SYTL1: variants seen among roughly 807,000 people sequenced by gnomAD.
The protein encoded by SYTL1 is synaptotagmin like 1, also known as synaptotagmin-like protein 1.
In SYTL1, 53 loss-of-function variants were observed where a neutral mutation model predicts 74.6. The ratio of observed to expected loss-of-function variants is 0.71; its 90% confidence interval spans 0.57 to 0.89. SYTL1 has a LOEUF of 0.89. Ranked by LOEUF, SYTL1 falls within the 40% of genes least tolerant of loss-of-function variation. The pLI, the probability that SYTL1 is intolerant of heterozygous loss-of-function variation, is 0.00. For missense variants in SYTL1, 728 were observed against 768.7 expected (o/e 0.95, Z 0.63); for synonymous variants, 329 against 324.9 (o/e 1.01, Z -0.14).
chr1:27,353,565 CCT>C (rs1376803165), intron 14 of SYTL1, 77 bp downstream of exon 14: 1 of 1,533,354 alleles, frequency 6.5e-7, no homozygotes, highest in Non-Finnish European at 8.9e-7. Context: ...GCCCTGGATA[CCT>C]CTCTGTCCTT....
At chr1:27,349,592 A>G (rs748663984) in intron 7 of SYTL1, 60 bp from the exon 8 acceptor site, 10 of 1,535,538 alleles carry the variant, frequency 6.5e-6, no homozygotes, top group Non-Finnish European at 8.8e-6. Context: ...CCCGCGACCC[A>G]GGGCGCTCGG....
chr1:27,353,087 G>C, intron 13 of SYTL1, 196 bp from the exon 14 acceptor site: 1 of 622,724 alleles, frequency 1.6e-6, no homozygotes, highest in Non-Finnish European at 2.8e-6. Context: ...CGCCCGGCCA[G>C]GAGCTGTAAC....
rs1364642383 is a variant in SYTL1 at position 27,353,495 on chromosome 1, G to A, written c.1549+7G>A. The A allele has an allele frequency of 6.3e-7, 1 of 1,591,502 alleles. No individual in the cohort carries two copies. Among genetic ancestry groups the A allele is most frequent in the Non-Finnish European group, 8.6e-7 (1 of 1,169,534 alleles). On this transcript the variant is annotated splice_region_variant and intron_variant, in intron 14 of 14. Coordinates refer to ENST00000616558, the MANE Select transcript of SYTL1 (RefSeq NM_001193308.2). Reference sequence around the variant, plus strand: ...CGCCTCAGCCTGGGCACCGGTAAGTGGGACAGCACCCTGAGACAGGCCCTG... The same window carrying A: ...CGCCTCAGCCTGGGCACCGGTAAGTAGGACAGCACCCTGAGACAGGCCCTG...
rs780437830 is a variant in SYTL1, at chr1:27,349,969, C to T, written c.748-3C>T. 2.9e-5 allele frequency: 46 copies of T among 1,572,800 alleles called. 1 individual carries two copies. In the South Asian group the frequency reaches 3.7e-4, roughly 13 times the overall value. On this transcript the variant is annotated splice_region_variant and splice_polypyrimidine_tract_variant and intron_variant, in intron 8 of 14. Transcript: ENST00000616558. ...CCTGACTCCCACCCACTCCCGTCCG[C>T]AGCTGAGCGGCAGCCAGATGAGCCT...
rs768537098 is a variant in SYTL1 at position 27,347,970 on chromosome 1, C to T, written c.417C>T (p.Leu139=). 7 of 1,614,190 alleles carry T rather than the reference C, an allele frequency of 4.3e-6. No homozygotes were observed. Among genetic ancestry groups the T allele is most frequent in the Admixed American group, 1.7e-5 (1 of 60,028 alleles). ...AGCGTCCTCTCCCTACTCCTAGGCT[C>T]ACCATTGATGAGGCCCCTCAGGAGA... ...KEKEEGPEPR[L]TIDEAPQERL... is the part of the protein sequence containing the mutation. Residue 139 remains leucine, a synonymous_variant, in exon 5 of 15, where the codon CTC becomes CTT. Coordinates refer to ENST00000616558, the MANE Select transcript of SYTL1 (RefSeq NM_001193308.2). This position sits in a 1 kb window ranked among gnomAD's most constrained non-coding sequence, Gnocchi z 4.9.
At position 27,350,633 on chromosome 1, in the gene SYTL1, C is replaced by A; in HGVS notation, c.1005+148C>A. 1 of 1,025,540 alleles carries A rather than the reference C, an allele frequency of 9.8e-7. No individual in the cohort carries two copies. The highest frequency in any genetic ancestry group is 1.4e-6 in the Non-Finnish European group (1 of 699,188). The allele number at this position is 1,025,540 out of a possible 1,614,324, so 63.5% of individuals were successfully genotyped here. ...ACTCGTTATCCAGTGTTGTCAGCCT[C>A]GTGGTGGGCGTGGTGATAGTGCAGG... is the stretch of plus-strand genomic sequence containing the variant. On this transcript the variant is annotated intron_variant, in intron 10 of 14. Coordinates refer to ENST00000616558, the MANE Select transcript of SYTL1 (RefSeq NM_001193308.2). This position sits in a 1 kb window ranked among gnomAD's most constrained non-coding sequence, Gnocchi z 6.3.
intron 8 of SYTL1, 52 bp downstream of exon 8, chr1:27,349,817 T>C (rs1232061481): frequency 6.5e-7 from 1 of 1,549,436 alleles, no homozygotes; most frequent in Non-Finnish European, 8.7e-7. Flanking sequence ...CCCGTTCCGA[T>C]GCGTAGCCCC....
In SYTL1 at chr1:27,353,823, C is replaced by T. The variant is rs752498397; in HGVS notation, c.1660C>T (p.Leu554Phe). The T allele has an allele frequency of 6.2e-7, 1 of 1,613,820 alleles. No homozygotes were observed. Among genetic ancestry groups the T allele is most frequent in the Non-Finnish European group, 8.5e-7 (1 of 1,179,824 alleles). The change falls in exon 15 of 15, where the codon CTC becomes TTC. Residue 554 changes from leucine (L) to phenylalanine (F), a missense_variant. By Grantham distance (22) the Leu-to-Phe change is conservative. Transcript: ENST00000616558. ...CGAATGGGTGGATGGCCTTCTACCC[C>T]TCAGAACCAACCTGGCCCCCAGGAC... ...PCEWVDGLLP[L>F]RTNLAPRT
Position 27,350,599 on chromosome 1 carries a change from G to T in SYTL1, c.1005+114G>T. 2 of 1,101,038 alleles carry T rather than the reference G, an allele frequency of 1.8e-6. No homozygotes were observed. Among genetic ancestry groups the T allele is most frequent in the Non-Finnish European group, 2.6e-6 (2 of 759,256 alleles). 68.2% of individuals were successfully genotyped at this position (1,101,038 alleles called of 1,614,324 possible). On this transcript the variant is annotated intron_variant, in intron 10 of 14. Coordinates refer to ENST00000616558, the MANE Select transcript of SYTL1 (RefSeq NM_001193308.2). The surrounding 1 kb of genome is among the most constrained non-coding windows in gnomAD (Gnocchi z 6.3). ...CATTGCCCGGAGGATCGGCGGAGGG[G>T]GCCCATTAACTCGTTATCCAGTGTT...
At chr1:27,349,535 G>C (rs199866369) in intron 7 of SYTL1, 37 bp downstream of exon 7, 2 of 1,463,394 alleles carry the variant, frequency 1.4e-6, no homozygotes, top group East Asian at 5.1e-5. Flanking sequence ...CTCAACATCC[G>C]GAGCGGACTC....
intron 1 of SYTL1, among the ~76,000 whole-genome samples, chr1:27,344,023 T>C (rs1287743180): frequency 6.6e-6 from 1 of 151,846 alleles, no homozygotes; most frequent in Non-Finnish European, 1.5e-5. Flanking sequence ...CCTCCTTCTC[T>C]TGGGTTCAAG....
Position 27,350,433 on chromosome 1 carries a change from A to G in SYTL1, c.953A>G (p.Lys318Arg), listed in dbSNP as rs769398605. The change falls in exon 10 of 15, where the codon AAG becomes AGG. Residue 318 changes from lysine to arginine, a missense_variant. Transcript: ENST00000616558. This position sits in a 1 kb window ranked among gnomAD's most constrained non-coding sequence, Gnocchi z 6.3. ...YLLPDKQSKR[K>R]TAVKKRNLNP... The stretch of plus-strand genomic sequence containing the variant: ...CTCCCGGATAAGCAGAGCAAGCGCA[A>G]GACGGCGGTGAAGAAACGGAATCTG... The G allele has an allele frequency of 1.2e-5, 20 of 1,614,024 alleles. No individual in the cohort carries two copies. The South Asian group carries it at 1.6e-4, about 13-fold the overall frequency.
rs1024431602 is a variant in SYTL1, at chr1:27,350,597, G to A, written c.1005+112G>A. The A allele has an allele frequency of 3.6e-6, 4 of 1,107,386 alleles. No individual in the cohort carries two copies. The highest frequency in any genetic ancestry group is 5.2e-6 in the Non-Finnish European group (4 of 764,230). 68.6% of individuals were successfully genotyped at this position (1,107,386 alleles called of 1,614,324 possible). A position where few individuals can be genotyped will look rare whatever the true frequency, so the allele number is the denominator to read the frequency against. ...GTCATTGCCCGGAGGATCGGCGGAG[G>A]GGGCCCATTAACTCGTTATCCAGTG... is the stretch of plus-strand genomic sequence containing the variant. On this transcript the variant is annotated intron_variant, in intron 10 of 14. Coordinates refer to ENST00000616558, the MANE Select transcript of SYTL1 (RefSeq NM_001193308.2). The surrounding 1 kb of genome is among the most constrained non-coding windows in gnomAD (Gnocchi z 6.3).
rs745864634 is a variant in SYTL1 at position 27,350,835 on chromosome 1, CCTGT to C, written c.1052_1055del (p.Ser351CysfsTer77). The C allele has an allele frequency of 5.6e-6, 9 of 1,613,854 alleles. No homozygotes were observed. The highest frequency in any genetic ancestry group is 1.7e-5 in the Admixed American group (1 of 60,022). ...CCGAGCTTCAGGGCCGCGTGCTGAG[CCTGT>C]CTGTGTGGCACCGCGAAAGCCTGGG... On this transcript the variant is annotated frameshift_variant, in exon 11 of 15. Coordinates refer to ENST00000616558, the MANE Select transcript of SYTL1 (RefSeq NM_001193308.2). LOFTEE classifies it high-confidence loss of function. The surrounding 1 kb of genome is among the most constrained non-coding windows in gnomAD (Gnocchi z 6.3).
At chr1:27,349,318 G>A in intron 6 of SYTL1, 80 bp from the exon 7 acceptor site, 1 of 1,453,068 alleles carries the variant, frequency 6.9e-7, no homozygotes, top group South Asian at 1.4e-5. Context: ...GCAGCTCGCT[G>A]GGGTTGTAAA....
rs775454949 is a variant in SYTL1, at chr1:27,353,886, CAG to C, written c.*35_*36del. 419 of 1,599,084 alleles carry C rather than the reference CAG, an allele frequency of 2.6e-4. 1 individual carries two copies. Among genetic ancestry groups the C allele is most frequent in the Middle Eastern group, 1.7e-3 (10 of 5,978 alleles). ...AGCCTCTCTCTCTGGACCCCCATCT[CAG>C]GGCCTGCCCTTGGCTAAAGTCAATA... On this transcript the variant is annotated 3_prime_UTR_variant, in exon 15 of 15. Transcript: ENST00000616558.
intron 1 of SYTL1, among the ~76,000 whole-genome samples, chr1:27,344,720 C>T (rs1424189956): frequency 6.6e-6 from 1 of 150,992 alleles, no homozygotes; most frequent in South Asian, 2.1e-4. Context: ...CGTGATGGTG[C>T]GTGCCTATAA....
chr1:27,351,070 T>A lies in SYTL1; in HGVS notation c.1164+118T>A. 1 of 1,369,858 alleles carries A rather than the reference T, an allele frequency of 7.3e-7. No homozygotes were observed. The highest frequency in any genetic ancestry group is 1.0e-6 in the Non-Finnish European group (1 of 1,005,010). 84.9% of individuals were successfully genotyped at this position (1,369,858 alleles called of 1,614,324 possible). A position where few individuals can be genotyped will look rare whatever the true frequency, so the allele number is the denominator to read the frequency against. On this transcript the variant is annotated intron_variant, in intron 11 of 14. Transcript: ENST00000616558. The surrounding 1 kb of genome is among the most constrained non-coding windows in gnomAD (Gnocchi z 5.0). Reference sequence around the variant, plus strand: ...TCGACAGAACCTCCCCTCAACCTCTTAACCTCATGGCCCCAGGCGAAGCCC... The same window carrying A: ...TCGACAGAACCTCCCCTCAACCTCTAAACCTCATGGCCCCAGGCGAAGCCC...
At position 27,350,779 on chromosome 1, in the gene SYTL1, A is replaced by G; in HGVS notation, c.1006-15A>G. On this transcript the variant is annotated splice_polypyrimidine_tract_variant and intron_variant, in intron 10 of 14. Coordinates refer to ENST00000616558, the MANE Select transcript of SYTL1 (RefSeq NM_001193308.2). This position sits in a 1 kb window ranked among gnomAD's most constrained non-coding sequence, Gnocchi z 6.3. ...CACCAGCAGTGCTCCACTAAAGCTC[A>G]CCTCCTGTCCTCAGTACTCCGTCCC... 6.2e-7 allele frequency: 1 copy of G among 1,612,054 alleles called. No homozygotes were observed. The highest frequency in any genetic ancestry group is 8.5e-7 in the Non-Finnish European group (1 of 1,178,956).
Sources: gnomAD v4.1 joint callset for allele counts (sites outside exome capture counted in the v4.1 genomes callset) on GRCh38, gnomAD v4.1.1 for gene constraint, Gnocchi (gnomAD v3.1) non-coding constraint, MANE v1.5 for transcripts, NCBI Gene and HGNC (gene_info 2026-07-23, HGNC 2026-07-21) for gene names.